Variants in CDHR3 observed in about 807,000 individuals in gnomAD.
CDHR3 encodes cadherin-related family member 3.
Under a neutral mutation model 86.6 loss-of-function variants are expected in CDHR3, and 79 were observed. The observed-to-expected ratio is 0.91, with a 90% CI of 0.76 to 1.10. The LOEUF (loss-of-function observed/expected upper bound fraction) is 1.10. Among genes scored for constraint, CDHR3 ranks in the 50% least tolerant of loss-of-function variants. CDHR3 has a pLI of 0.00. For missense variants in CDHR3, 1,081 were observed against 1,077.6 expected (o/e 1.00, Z -0.04); for synonymous variants, 421 against 402.4 (o/e 1.05, Z -0.55).
intron 5 of CDHR3, among the ~76,000 whole-genome samples, chr7:105,995,459 A>G (rs1402091141): frequency 6.6e-6 from 1 of 152,220 alleles, no homozygotes; most frequent in East Asian, 1.9e-4. Context: ...CCAGATGGTC[A>G]TCAATGTCTT....
At chr7:106,001,028 C>T (rs1833085557) in intron 6 of CDHR3, among the ~76,000 whole-genome samples, 1 of 152,204 alleles carries the variant, frequency 6.6e-6, no homozygotes, top group Non-Finnish European at 1.5e-5. Flanking sequence ...GGAGGGAACC[C>T]GCAGCTCTGG....
At chr7:106,001,413 C>T (rs1478085963) in intron 6 of CDHR3, 49 bp from the exon 7 acceptor site, 1 of 1,604,620 alleles carries the variant, frequency 6.2e-7, no homozygotes, top group East Asian at 2.2e-5. Flanking sequence ...TAGATGCTAC[C>T]TTCCCGTGCC....
chr7:105,999,199 C>G (rs894530800), intron 6 of CDHR3, among the ~76,000 whole-genome samples: 3 of 152,220 alleles, frequency 2.0e-5, no homozygotes, highest in African/African-American at 7.2e-5. Context: ...TAACTGTGGT[C>G]TCCGTTGAAT....
rs766346984 is a variant in CDHR3, at chr7:105,981,041, A to G, written c.323A>G (p.Lys108Arg). 6.2e-7 allele frequency: 1 copy of G among 1,612,896 alleles called. No individual in the cohort carries two copies. Among genetic ancestry groups the G allele is most frequent in the Admixed American group, 1.7e-5 (1 of 59,878 alleles). Residue 108 changes from lysine to arginine, a missense_variant, in exon 3 of 19, where the codon AAG (lysine) becomes AGG (arginine). Coordinates refer to ENST00000317716, the MANE Select transcript of CDHR3 (RefSeq NM_152750.5). ...ATATTTGATTTGCAGATTTATGTGAAGGATGAGGTTGGTGTCACAGACCTG... is the reference window on the plus strand; with the variant it reads ...ATATTTGATTTGCAGATTTATGTGAGGGATGAGGTTGGTGTCACAGACCTG... The part of the protein sequence containing the change: ...PNIFDLQIYV[K>R]DEVGVTDLQV...
At chr7:106,013,052 T>A (rs1835056397) in intron 9 of CDHR3, 21 bp downstream of exon 9, 1 of 1,558,298 alleles carries the variant, frequency 6.4e-7, no homozygotes, top group Non-Finnish European at 8.7e-7. Context: ...GGTCATTGCA[T>A]CATTAAAAGG....
chr7:105,985,195 T>A (rs981951625), intron 4 of CDHR3, among the ~76,000 whole-genome samples: 1 of 152,214 alleles, frequency 6.6e-6, no homozygotes, highest in Admixed American at 6.5e-5. Context: ...GTTTTCTTAA[T>A]GTAGCTGCTA....
intron 3 of CDHR3, 30 bp downstream of exon 3, chr7:105,981,163 C>G (rs1289461800): frequency 6.3e-7 from 1 of 1,599,966 alleles, no homozygotes; most frequent in African/African-American, 1.3e-5. Flanking sequence ...GCACTGCAGC[C>G]CAGACAGTGG....
intron 16 of CDHR3, chr7:106,027,730 A>G (rs73195669): frequency 0.05 from 21,560 of 432,940 alleles, 890 homozygotes; most frequent in South Asian, 0.13. Flanking sequence ...GGCATGTCTC[A>G]ACAGGGTTAG....
At chr7:105,979,118 A>T (rs1214301187) in intron 2 of CDHR3, among the ~76,000 whole-genome samples, 1 of 152,206 alleles carries the variant, frequency 6.6e-6, no homozygotes, top group East Asian at 1.9e-4. Flanking sequence ...CCCATAGATT[A>T]GCTCATCGAA....
intron 1 of CDHR3, among the ~76,000 whole-genome samples, chr7:105,971,056 G>A (rs1310372200): frequency 4.0e-5 from 6 of 151,746 alleles, no homozygotes; most frequent in Admixed American, 2.0e-4. Flanking sequence ...CAGGAGAATG[G>A]CGTGAACCCG....
chr7:105,992,564 T>G (rs1831521060), intron 4 of CDHR3, among the ~76,000 whole-genome samples: 1 of 152,112 alleles, frequency 6.6e-6, no homozygotes, highest in Non-Finnish European at 1.5e-5. Context: ...CACCCAAATA[T>G]TTCCCCTTAA....
rs1482900691 is a variant in CDHR3, at chr7:106,036,088, T to C, written c.*3391T>C. On this transcript the variant is annotated 3_prime_UTR_variant, in exon 19 of 19. Transcript: ENST00000317716. Reference sequence around the variant, plus strand: ...CAGGAATTAGACCACGTAACAATTATAATTGTCGAAGACTTTGAAACTGCA... The same window carrying C: ...CAGGAATTAGACCACGTAACAATTACAATTGTCGAAGACTTTGAAACTGCA... 1.3e-5 allele frequency: 2 copies of C among 152,192 alleles called. No individual in the cohort carries two copies. The highest frequency in any genetic ancestry group is 2.9e-5 in the Non-Finnish European group (2 of 68,038). 9.4% of individuals were successfully genotyped at this position (152,192 alleles called of 1,614,324 possible).
intron 8 of CDHR3, among the ~76,000 whole-genome samples, chr7:106,009,411 C>T (rs1834427539): frequency 1.3e-5 from 2 of 152,256 alleles, no homozygotes; most frequent in Non-Finnish European, 2.9e-5. Context: ...CTTATACCTT[C>T]TCCAGTCCAA....
chr7:105,992,507 G>A (rs1024983214), intron 4 of CDHR3, among the ~76,000 whole-genome samples: 4 of 152,182 alleles, frequency 2.6e-5, no homozygotes, highest in African/African-American at 7.2e-5. Context: ...GTACTGCCAA[G>A]GTGCTTGCAC....
chr7:105,963,343 G>C lies in CDHR3; in HGVS notation c.25G>C (p.Ala9Pro), dbSNP rs151184516. MQEAIILL[A>P]LLGAMSGGEA... Reference sequence around the variant, plus strand: ...TATGCAGGAAGCAATCATTCTCCTGGCTCTCCTGGGTGCCATGTCAGGTAG... The same window carrying C: ...TATGCAGGAAGCAATCATTCTCCTGCCTCTCCTGGGTGCCATGTCAGGTAG... Residue 9 changes from alanine to proline, a missense_variant, in exon 1 of 19, where the codon GCT becomes CCT. Ala to Pro is a conservative substitution (Grantham distance 27). Transcript: ENST00000317716. 1 of 1,613,910 alleles carries C rather than the reference G, an allele frequency of 6.2e-7. No individual in the cohort carries two copies.
intron 6 of CDHR3, among the ~76,000 whole-genome samples, chr7:106,000,881 A>G (rs1230670626): frequency 6.7e-6 from 1 of 148,602 alleles, no homozygotes; most frequent in Admixed American, 6.8e-5. Flanking sequence ...TTCTGTGCAT[A>G]AATTCTATAT....
chr7:106,028,940 C>CTTTCTTTCTTTT (rs1837856912), intron 17 of CDHR3, among the ~76,000 whole-genome samples: 2 of 133,708 alleles, frequency 1.5e-5, no homozygotes, highest in Non-Finnish European at 3.2e-5. Flanking sequence ...TTCTTTCTTT[C>CTTTCTTTCTTTT]TTTCTTTCTT....
intron 15 of CDHR3, among the ~76,000 whole-genome samples, chr7:106,025,941 A>G (rs1288433231): frequency 6.6e-6 from 1 of 152,198 alleles, no homozygotes; most frequent in African/African-American, 2.4e-5. Flanking sequence ...TGGGATTTGG[A>G]TAGAAGTTCT....
rs1830198005 is a variant in CDHR3, at chr7:105,984,205, C to T, written c.429C>T (p.Tyr143=). 1.2e-6 allele frequency: 2 copies of T among 1,607,076 alleles called. No individual in the cohort carries two copies. The highest frequency in any genetic ancestry group is 8.5e-7 in the Non-Finnish European group (1 of 1,175,332). The change falls in exon 4 of 19, where the codon TAC becomes TAT. Residue 143 remains tyrosine (Y), a synonymous_variant. Transcript: ENST00000317716. ...ACACTGGTCTAGGTCTACACCTCTA[C>T]ATAGTAGAAAGAGCAAACCCTGGAT... is the stretch of plus-strand genomic sequence containing the variant. ...QGNLAEGLHL[Y]IVERANPGFI...
Sources: gnomAD v4.1 joint callset for allele counts (sites outside exome capture counted in the v4.1 genomes callset) on GRCh38, gnomAD v4.1.1 for gene constraint, MANE v1.5 for transcripts, NCBI Gene and HGNC (gene_info 2026-07-23, HGNC 2026-07-21) for gene names.